The following DDB1 variants were observed in gnomAD, a reference collection of about 807,000 sequenced individuals.
The protein encoded by DDB1 is DNA damage-binding protein 1.
A neutral mutation model predicts 133.1 loss-of-function variants in DDB1; 18 were observed. The ratio of observed to expected loss-of-function variants is 0.14; its 90% confidence interval spans 0.09 to 0.20. DDB1 has a LOEUF of 0.20. Ranked by LOEUF, DDB1 falls within the 10% of genes least tolerant of loss-of-function variation. DDB1 has a pLI of 1.00. For synonymous variants in DDB1, 580 were observed against 550.5 expected (o/e 1.05, Z -0.75); for missense variants, 828 against 1,459.2 (o/e 0.57, Z 7.05).
intron 23 of DDB1, 43 bp downstream of exon 23, chr11:61,303,003 C>T (rs1855826033): frequency 6.4e-7 from 1 of 1,566,196 alleles, no homozygotes; most frequent in Admixed American, 1.7e-5. Flanking sequence ...GACCAAGGAA[C>T]TCCCAGCCCT....
In DDB1 at chr11:61,314,322, C is replaced by T. The variant is rs749254769; in HGVS notation, c.1575G>A (p.Glu525=). 1 of 1,611,190 alleles carries T rather than the reference C, an allele frequency of 6.2e-7. No individual in the cohort carries two copies. Among genetic ancestry groups the T allele is most frequent in the Non-Finnish European group, 8.5e-7 (1 of 1,179,044 alleles). ...ALYYLQIHPQ[E]LRQISHTEME... is the part of the protein sequence containing the mutation. ...AACACACACACCTGATCTGCCGGAG[C>T]TCCTGAGGATGGATCTGCAGATAGT... is the stretch of plus-strand genomic sequence containing the variant. The change falls in exon 13 of 27, where the codon GAG becomes GAA. Residue 525 remains glutamate (E), a synonymous_variant. Coordinates refer to ENST00000301764, the MANE Select transcript of DDB1 (RefSeq NM_001923.5).
At chr11:61,313,430 A>C in intron 16 of DDB1, 69 bp downstream of exon 16, 1 of 1,405,136 alleles carries the variant, frequency 7.1e-7, no homozygotes, top group East Asian at 2.3e-5. Flanking sequence ...CTTTGAGGTA[A>C]GGGTTTGAGG....
At chr11:61,327,446 GAA>G in intron 4 of DDB1, 28 of 133,098 alleles carry the variant, frequency 2.1e-4, no homozygotes, top group Admixed American at 3.8e-4. Flanking sequence ...CTCCATCTCA[GAA>G]AAAAAAAAAA....
intron 10 of DDB1, among the ~76,000 whole-genome samples, chr11:61,320,707 A>C (rs1265157347): frequency 6.6e-6 from 1 of 152,050 alleles, no homozygotes; most frequent in Non-Finnish European, 1.5e-5. Flanking sequence ...TACTCTTTTA[A>C]AGATGTGCCT....
intron 7 of DDB1, 111 bp downstream of exon 7, chr11:61,323,868 T>C (rs1346047848): frequency 5.8e-6 from 7 of 1,203,224 alleles, no homozygotes; most frequent in East Asian, 2.3e-5. Context: ...CAACAGTTTG[T>C]TGTTAGGTGT....
intron 22 of DDB1, 144 bp from the exon 23 acceptor site, chr11:61,303,299 G>A: frequency 2.8e-6 from 2 of 724,226 alleles, no homozygotes; most frequent in Non-Finnish European, 2.3e-6. Context: ...TCACCCTAGA[G>A]GGATTCTCCC....
At position 61,302,574 on chromosome 11, in the gene DDB1, G is replaced by T; in HGVS notation, c.3112+8C>A. On this transcript the variant is annotated splice_region_variant and intron_variant, in intron 24 of 26. Transcript: ENST00000301764. ...GTGTGGGGGTGTGCCCCACAGGGGT[G>T]ACCTTACCTATCATGCCGTTGACCG... 2 of 1,614,116 alleles carry T rather than the reference G, an allele frequency of 1.2e-6. No homozygotes were observed. The highest frequency in any genetic ancestry group is 1.7e-6 in the Non-Finnish European group (2 of 1,179,988).
Position 61,316,575 on chromosome 11 carries a change from A to G in DDB1, c.1226-8T>C, listed in dbSNP as rs755364012. 2 of 1,613,964 alleles carry G rather than the reference A, an allele frequency of 1.2e-6. No homozygotes were observed. The highest frequency in any genetic ancestry group is 1.7e-6 in the Non-Finnish European group (2 of 1,179,930). ...ACCGCAGTGGCCATAATCCTGGAAC[A>G]AGGACCAAGGATTCAGATGCATAGG... On this transcript the variant is annotated splice_polypyrimidine_tract_variant and splice_region_variant and intron_variant, in intron 10 of 26. Coordinates refer to ENST00000301764, the MANE Select transcript of DDB1 (RefSeq NM_001923.5).
chr11:61,329,285 C>T (rs781429269), intron 4 of DDB1, 78 bp downstream of exon 4: 1 of 1,313,086 alleles, frequency 7.6e-7, no homozygotes, highest in Non-Finnish European at 1.1e-6. Context: ...CCTACCAAAC[C>T]CAGACATGCC....
chr11:61,321,319 C>T, intron 10 of DDB1: 1 of 266,480 alleles, frequency 3.8e-6, no homozygotes, highest in African/African-American at 2.2e-5. Context: ...CTATCGGTTG[C>T]CTCATATAAA....
In DDB1 at chr11:61,300,109, G is replaced by T. The variant is rs770759265; in HGVS notation, c.*27C>A. 1 of 1,610,528 alleles carries T rather than the reference G, an allele frequency of 6.2e-7. No individual in the cohort carries two copies. The highest frequency in any genetic ancestry group is 1.3e-5 in the African/African-American group (1 of 74,848). On this transcript the variant is annotated 3_prime_UTR_variant, in exon 27 of 27. Coordinates refer to ENST00000301764, the MANE Select transcript of DDB1 (RefSeq NM_001923.5). ...CAGCAGGGCAAAGCCTTTGGGGAGG[G>T]TCAGCAAAGGGGCCCCCTGCCCTTG...
chr11:61,321,626 C>T lies in DDB1; in HGVS notation c.1194G>A (p.Glu398=). Reference sequence around the variant, plus strand: ...TGCCTGGTAAGTCAATGCTGGCATGCTCGTGGATTCCAATTCCATTCCGGA... The same window carrying T: ...TGCCTGGTAAGTCAATGCTGGCATGTTCGTGGATTCCAATTCCATTCCGGA... The part of the protein sequence containing the change: ...RIIRNGIGIH[E]HASIDLPGIK... The change falls in exon 10 of 27, where the codon GAG becomes GAA. Residue 398 remains glutamate (E), a synonymous_variant. Coordinates refer to ENST00000301764, the MANE Select transcript of DDB1 (RefSeq NM_001923.5). The T allele has an allele frequency of 6.2e-7, 1 of 1,614,178 alleles. No individual in the cohort carries two copies. The highest frequency in any genetic ancestry group is 1.1e-5 in the South Asian group (1 of 91,082).
chr11:61,320,573 T>C (rs1425037609), intron 10 of DDB1, among the ~76,000 whole-genome samples: 1 of 151,884 alleles, frequency 6.6e-6, no homozygotes, highest in African/African-American at 2.4e-5. Context: ...TTTTTTAAAT[T>C]GAGATGGGAT....
rs769264057 is a variant in DDB1, at chr11:61,313,577, T to C, written c.1991A>G (p.His664Arg). The part of the protein sequence containing the change: ...DRPTVIYSSN[H>R]KLVFSNVNLK... ...GTTGACATTTGAGAAGACCAATTTG[T>C]GGTTGCTGCTATAGATGACAGTGGG... The change falls in exon 16 of 27, where the codon CAC becomes CGC. Residue 664 changes from histidine to arginine, a missense_variant. By Grantham distance (29) the His-to-Arg change is conservative (BLOSUM62 0). Coordinates refer to ENST00000301764, the MANE Select transcript of DDB1 (RefSeq NM_001923.5). The C allele has an allele frequency of 6.2e-7, 1 of 1,614,158 alleles. No homozygotes were observed. Among genetic ancestry groups the C allele is most frequent in the Non-Finnish European group, 8.5e-7 (1 of 1,180,020 alleles).
chr11:61,316,563 T>C lies in DDB1; in HGVS notation c.1230A>G (p.Leu410=), dbSNP rs1856070660. 3.7e-6 allele frequency: 6 copies of C among 1,613,946 alleles called. No homozygotes were observed. The highest frequency in any genetic ancestry group is 2.2e-5 in the South Asian group (2 of 91,084). Residue 410 remains leucine (L), a synonymous_variant, in exon 11 of 27, where the codon TTA becomes TTG. Coordinates refer to ENST00000301764, the MANE Select transcript of DDB1 (RefSeq NM_001923.5). The part of the protein sequence containing the change: ...ASIDLPGIKG[L]WPLRSDPNRE... ...GATTAGGGTCAGACCGCAGTGGCCATAATCCTGGAACAAGGACCAAGGATT... is the reference window on the plus strand; with the variant it reads ...GATTAGGGTCAGACCGCAGTGGCCACAATCCTGGAACAAGGACCAAGGATT...
chr11:61,311,516 C>T (rs11230666), intron 18 of DDB1, among the ~76,000 whole-genome samples: 22,728 of 152,010 alleles, frequency 0.15, 5,242 homozygotes, highest in African/African-American at 0.49. Context: ...CTCCTCTATT[C>T]GACCACTCTA....
chr11:61,305,935 A>G (rs1855875142), intron 21 of DDB1, among the ~76,000 whole-genome samples: 1 of 152,214 alleles, frequency 6.6e-6, no homozygotes, highest in Non-Finnish European at 1.5e-5. Context: ...AAATATCTTA[A>G]TAAGCATTTT....
At chr11:61,317,267 C>A (rs1164205316) in intron 10 of DDB1, among the ~76,000 whole-genome samples, 1 of 151,494 alleles carries the variant, frequency 6.6e-6, no homozygotes, top group African/African-American at 2.4e-5. Context: ...GTGCCCGCCA[C>A]CACACCTGGC....
Position 61,330,744 on chromosome 11 carries a change from C to A in DDB1, c.211-670G>T, listed in dbSNP as rs561622112. 8.5e-5 allele frequency among the ~76,000 whole-genome samples: 13 copies of A among 152,274 alleles called. No homozygotes were observed. In the East Asian group the frequency reaches 2.3e-3, roughly 27 times the overall value. On this transcript the variant is annotated intron_variant, in intron 2 of 26. Transcript: ENST00000301764. ...CATCTCCACTCACTGCAACCTCCGC[C>A]TCCTGAGTTCAAGCAATTCTTGTGC...
Sources: gnomAD v4.1 joint callset for allele counts (sites outside exome capture counted in the v4.1 genomes callset) on GRCh38, gnomAD v4.1.1 for gene constraint, MANE v1.5 for transcripts, NCBI Gene and HGNC (gene_info 2026-07-23, HGNC 2026-07-21) for gene names.